The following SNTG2 variants were observed in gnomAD, a reference collection of about 807,000 sequenced individuals.
SNTG2 encodes the protein syntrophin gamma 2.
In SNTG2, 74 loss-of-function variants were observed where a neutral mutation model predicts 70.9. The ratio of observed to expected loss-of-function variants is 1.04; its 90% CI spans 0.86 to 1.27. SNTG2 has a LOEUF of 1.27. Ranked by LOEUF, SNTG2 falls within the 50% of genes most tolerant of loss-of-function variation. SNTG2 has a pLI of 0.00. For missense variants in SNTG2, 717 were observed against 690.7 expected, an observed-to-expected ratio of 1.04 and a Z score of -0.43; for synonymous variants, 278 against 273.8, an observed-to-expected ratio of 1.02 and a Z score of -0.15.
intron 14 of SNTG2, among the ~76,000 whole-genome samples, chr2:1,305,049 T>C (rs1051648788): frequency 3.3e-5 from 5 of 152,230 alleles, no homozygotes; most frequent in Admixed American, 6.5e-5. Flanking sequence ...GAAGCTTTGC[T>C]GTAAGCCCAG....
intron 1 of SNTG2, among the ~76,000 whole-genome samples, chr2:956,282 C>T (rs1209552081): frequency 1.3e-5 from 2 of 150,086 alleles, no homozygotes; most frequent in Non-Finnish European, 3.0e-5. Flanking sequence ...GCCCCTGCAC[C>T]TCCCCCTGCG....
At chr2:1,298,717 G>GAAGGACACA (rs1204069198) in intron 14 of SNTG2, among the ~76,000 whole-genome samples, 1 of 152,164 alleles carries the variant, frequency 6.6e-6, no homozygotes, top group African/African-American at 2.4e-5. Context: ...TGATTGGCTT[G>GAAGGACACA]AAGGACACAA....
chr2:1,122,431 T>C (rs1380274073), intron 4 of SNTG2, among the ~76,000 whole-genome samples: 1 of 152,170 alleles, frequency 6.6e-6, no homozygotes. Flanking sequence ...GATTCATCCA[T>C]GGCATGTGAG....
In SNTG2 at chr2:1,173,135, T is replaced by C. The variant is rs1671238924; in HGVS notation, c.543T>C (p.Ser181=). 1 of 1,613,854 alleles carries C rather than the reference T, an allele frequency of 6.2e-7. No individual in the cohort carries two copies. Among genetic ancestry groups the C allele is most frequent in the Non-Finnish European group, 8.5e-7 (1 of 1,179,884 alleles). The change falls in exon 8 of 17, where the codon TCT becomes TCC. Residue 181 remains serine, a synonymous_variant. Transcript: ENST00000308624. The part of the protein sequence containing the change: ...PSSDHSSGAS[S]PLFDSGLHLN... Reference sequence around the variant, plus strand: ...GCGACCACAGCAGTGGGGCCTCCTCTCCCCTCTTTGACAGCGGTTTGCATC... The same window carrying C: ...GCGACCACAGCAGTGGGGCCTCCTCCCCCCTCTTTGACAGCGGTTTGCATC...
In SNTG2 at chr2:1,006,559, C is replaced by T. The variant is rs139628653; in HGVS notation, c.72+55491C>T. Reference sequence around the variant, plus strand: ...GTTATACTTTTCTGTATAGACTTGGCCCGCCACATCCGTGGGTTCAACCAA... The same window carrying T: ...GTTATACTTTTCTGTATAGACTTGGTCCGCCACATCCGTGGGTTCAACCAA... On this transcript the variant is annotated intron_variant, in intron 1 of 16. Coordinates refer to ENST00000308624, the MANE Select transcript of SNTG2 (RefSeq NM_018968.4). Among the ~76,000 whole-genome samples, 67 of 152,228 alleles carry T rather than the reference C, an allele frequency of 4.4e-4. 1 individual carries two copies. Among genetic ancestry groups the T allele is most frequent in the South Asian group, 3.3e-3 (16 of 4,824 alleles).
At chr2:1,280,612 A>G (rs1013052302) in intron 14 of SNTG2, among the ~76,000 whole-genome samples, 5 of 152,260 alleles carry the variant, frequency 3.3e-5, no homozygotes, top group Non-Finnish European at 5.9e-5. Context: ...TTGGAGCCTC[A>G]TCCAAATTTA....
intron 1 of SNTG2, among the ~76,000 whole-genome samples, chr2:1,028,366 G>A (rs939336507): frequency 1.7e-4 from 26 of 152,212 alleles, no homozygotes; most frequent in Non-Finnish European, 3.5e-4. Context: ...CACATCCTAC[G>A]CTTACTGAAC....
intron 6 of SNTG2, among the ~76,000 whole-genome samples, chr2:1,164,704 G>T (rs1670588067): frequency 6.6e-6 from 1 of 151,494 alleles, no homozygotes; most frequent in African/African-American, 2.4e-5. Context: ...TCAAATTTTG[G>T]ACAGTCTCCA....
chr2:1,339,146 A>C (rs1449720222), intron 16 of SNTG2, among the ~76,000 whole-genome samples: 1 of 152,214 alleles, frequency 6.6e-6, no homozygotes, highest in African/African-American at 2.4e-5. Flanking sequence ...ACCATGTGTT[A>C]AGGGGACATC....
At chr2:988,650 G>T in intron 1 of SNTG2, among the ~76,000 whole-genome samples, 1 of 152,224 alleles carries the variant, frequency 6.6e-6, no homozygotes, top group East Asian at 1.9e-4. Flanking sequence ...CTATAGACAC[G>T]ATTTCCATTG....
Position 1,113,025 on chromosome 2 carries a change from G to A in SNTG2, c.325+14615G>A, listed in dbSNP as rs1666609412. 2.0e-5 allele frequency among the ~76,000 whole-genome samples: 3 copies of A among 151,546 alleles called. No homozygotes were observed. In the South Asian group the frequency reaches 6.3e-4, roughly 32 times the overall value. On this transcript the variant is annotated intron_variant, in intron 4 of 16. Coordinates refer to ENST00000308624, the MANE Select transcript of SNTG2 (RefSeq NM_018968.4). ...CTTTGTGAAGGATCATGTGTACTAAGTGAGGTGTAACCCTTACAGTCCTTT... is the reference window on the plus strand; with the variant it reads ...CTTTGTGAAGGATCATGTGTACTAAATGAGGTGTAACCCTTACAGTCCTTT...
At chr2:964,807 C>T (rs377457921) in intron 1 of SNTG2, among the ~76,000 whole-genome samples, 3 of 152,156 alleles carry the variant, frequency 2.0e-5, no homozygotes, top group Non-Finnish European at 4.4e-5. Flanking sequence ...CCGTCCACTG[C>T]GTGTGACACT....
chr2:1,055,718 A>G (rs1662350105), intron 1 of SNTG2, among the ~76,000 whole-genome samples: 1 of 152,224 alleles, frequency 6.6e-6, no homozygotes, highest in Admixed American at 6.5e-5. Context: ...AATTGATCTT[A>G]TCCATTCTCC....
intron 16 of SNTG2, among the ~76,000 whole-genome samples, chr2:1,339,468 T>C (rs1330557436): frequency 6.6e-6 from 1 of 152,232 alleles, no homozygotes; most frequent in Non-Finnish European, 1.5e-5. Context: ...TTATCTAACA[T>C]GTGCTAGTTG....
chr2:1,179,095 G>T (rs1426669462), intron 8 of SNTG2, among the ~76,000 whole-genome samples: 1 of 152,182 alleles, frequency 6.6e-6, no homozygotes, highest in Non-Finnish European at 1.5e-5. Context: ...TTGCATAGAG[G>T]TGTTTGTAGT....
At chr2:1,098,664 C>A (rs927969200) in intron 4 of SNTG2, among the ~76,000 whole-genome samples, 5 of 152,170 alleles carry the variant, frequency 3.3e-5, no homozygotes, top group African/African-American at 1.2e-4. Context: ...GTTATCCCCC[C>A]TCTAAAGATA....
chr2:1,334,121 A>G (rs769203458), intron 16 of SNTG2, among the ~76,000 whole-genome samples: 1 of 152,220 alleles, frequency 6.6e-6, no homozygotes, highest in Non-Finnish European at 1.5e-5. Context: ...TCTCATCAAA[A>G]AGTGGGCAAA....
At chr2:1,327,395 G>A (rs570051388) in intron 16 of SNTG2, among the ~76,000 whole-genome samples, 2 of 152,216 alleles carry the variant, frequency 1.3e-5, no homozygotes, top group South Asian at 2.1e-4. Flanking sequence ...TGACTGATAT[G>A]TTCGATGAAT....
At chr2:973,687 T>C (rs1660820361) in intron 1 of SNTG2, among the ~76,000 whole-genome samples, 1 of 152,162 alleles carries the variant, frequency 6.6e-6, no homozygotes. Flanking sequence ...TTCCCACAGC[T>C]CTGATATGTT....
Sources: allele counts gnomAD v4.1 joint callset (sites outside exome capture counted in the v4.1 genomes callset), GRCh38; gene constraint gnomAD v4.1.1; transcripts MANE v1.5; gene names NCBI Gene and HGNC (gene_info 2026-07-23, HGNC 2026-07-21).